The following NUDT3 variants were observed in gnomAD, a reference collection of about 807,000 sequenced individuals.
NUDT3 encodes the protein diphosphoinositol polyphosphate phosphohydrolase 1.
Under a neutral mutation model 23.6 loss-of-function variants are expected in NUDT3, and 9 were observed. That is an observed-to-expected ratio of 0.38 (90% CI 0.23 to 0.66). The LOEUF (loss-of-function observed/expected upper bound fraction) is 0.66. NUDT3 is among the 30% of genes least tolerant of loss of function. The pLI, the probability that NUDT3 is intolerant of heterozygous loss-of-function variation, is 0.52. For synonymous variants in NUDT3, 86 were observed against 82.6 expected, an observed-to-expected ratio of 1.04 and a Z score of -0.22; for missense variants, 172 against 218.5, an observed-to-expected ratio of 0.79 and a Z score of 1.34.
At chr6:34,341,353 T>C (rs1764285491) in intron 2 of NUDT3, among the ~76,000 whole-genome samples, 1 of 152,100 alleles carries the variant, frequency 6.6e-6, no homozygotes, top group South Asian at 2.1e-4. Flanking sequence ...AACACATGTA[T>C]GTGGAACATC....
At chr6:34,342,892 G>C (rs1358284953) in intron 1 of NUDT3, among the ~76,000 whole-genome samples, 1 of 152,100 alleles carries the variant, frequency 6.6e-6, no homozygotes, top group Non-Finnish European at 1.5e-5. Context: ...CTGCCTTCTA[G>C]TTACTAACAT....
chr6:34,343,509 C>T (rs1214239868), intron 1 of NUDT3, among the ~76,000 whole-genome samples: 1 of 151,630 alleles, frequency 6.6e-6, no homozygotes, highest in African/African-American at 2.4e-5. Flanking sequence ...CCACTGTATT[C>T]CAGCCTAGGC....
At chr6:34,390,291 C>T (rs1765176777) in intron 1 of NUDT3, among the ~76,000 whole-genome samples, 2 of 150,112 alleles carry the variant, frequency 1.3e-5, no homozygotes, top group Admixed American at 1.3e-4. Context: ...AAGAGTCGGT[C>T]TCAAAAAAAA....
intron 1 of NUDT3, among the ~76,000 whole-genome samples, chr6:34,378,597 T>A (rs1764964026): frequency 6.6e-6 from 1 of 152,184 alleles, no homozygotes; most frequent in Non-Finnish European, 1.5e-5. Flanking sequence ...GCCCACACTA[T>A]GAGCACTCCA....
chr6:34,328,259 C>G (rs1764073111), intron 2 of NUDT3, among the ~76,000 whole-genome samples: 1 of 152,100 alleles, frequency 6.6e-6, no homozygotes, highest in Non-Finnish European at 1.5e-5. Flanking sequence ...TCCCCTTACC[C>G]CCATCTTTAT....
intron 1 of NUDT3, among the ~76,000 whole-genome samples, chr6:34,376,846 T>C (rs948950064): frequency 3.3e-5 from 5 of 152,064 alleles, no homozygotes; most frequent in Non-Finnish European, 7.4e-5. Context: ...CAAGGCTCTA[T>C]ACCCTTAGCT....
At chr6:34,371,665 A>G (rs894796020) in intron 1 of NUDT3, among the ~76,000 whole-genome samples, 3 of 152,194 alleles carry the variant, frequency 2.0e-5, no homozygotes, top group African/African-American at 7.2e-5. Context: ...AATTCTTATT[A>G]ATGAGCACTG....
intron 1 of NUDT3, among the ~76,000 whole-genome samples, chr6:34,351,210 A>AAAAAAAAAAC (rs1764465199): frequency 1.5e-5 from 2 of 133,260 alleles, no homozygotes; most frequent in South Asian, 4.8e-4. Context: ...AAAAAAAAAA[A>AAAAAAAAAAC]AAAAAAAAAA....
intron 1 of NUDT3, among the ~76,000 whole-genome samples, chr6:34,354,424 C>CACAT (rs1764527392): frequency 6.9e-6 from 1 of 145,718 alleles, no homozygotes; most frequent in African/African-American, 2.7e-5. Flanking sequence ...CACACACACA[C>CACAT]ACACATACAC....
rs942892615 is a variant in NUDT3 at position 34,373,362 on chromosome 6, C to T, written c.99+18902G>A. Among the ~76,000 whole-genome samples the T allele has an allele frequency of 1.7e-4, 16 of 96,362 alleles. 1 individual carries two copies. Among genetic ancestry groups the T allele is most frequent in the Non-Finnish European group, 2.3e-4 (13 of 57,770 alleles). The allele number at this position is 96,362 out of a possible 152,430, so 63.2% of individuals were successfully genotyped here. On this transcript the variant is annotated intron_variant, in intron 1 of 4. Transcript: ENST00000607016. ...GAATTTAATGTTATAAAATTTAAAG[C>T]CAGAATGATTAAAGAGAATAATTTC...
intron 1 of NUDT3, among the ~76,000 whole-genome samples, chr6:34,374,451 A>C (rs1304424712): frequency 6.6e-6 from 1 of 152,146 alleles, no homozygotes; most frequent in Non-Finnish European, 1.5e-5. Context: ...TACTGCAGTG[A>C]ATCTTTCCTT....
chr6:34,372,150 A>G (rs1393163795), intron 1 of NUDT3, among the ~76,000 whole-genome samples: 1 of 152,130 alleles, frequency 6.6e-6, no homozygotes, highest in Non-Finnish European at 1.5e-5. Context: ...TCACTGATAG[A>G]CATTTGGGTT....
At chr6:34,387,281 G>T (rs916934735) in intron 1 of NUDT3, among the ~76,000 whole-genome samples, 1 of 151,984 alleles carries the variant, frequency 6.6e-6, no homozygotes, top group Non-Finnish European at 1.5e-5. Context: ...CAGAAGAAGG[G>T]ATTGTTATCA....
At chr6:34,379,369 G>A (rs975767224) in intron 1 of NUDT3, among the ~76,000 whole-genome samples, 2 of 151,726 alleles carry the variant, frequency 1.3e-5, no homozygotes, top group African/African-American at 4.8e-5. Context: ...AAACCAGCCT[G>A]GCCAACATGG....
At position 34,385,226 on chromosome 6, in the gene NUDT3, A is replaced by G. The variant is rs185048034; in HGVS notation, c.99+7038T>C. Reference sequence around the variant, plus strand: ...AATCTCAACACTTTGGGAGGCCAAGAAGGGAGGATCACTTGAGCCAGGAGT... The same window carrying G: ...AATCTCAACACTTTGGGAGGCCAAGGAGGGAGGATCACTTGAGCCAGGAGT... On this transcript the variant is annotated intron_variant, in intron 1 of 4. Coordinates refer to ENST00000607016, the MANE Select transcript of NUDT3 (RefSeq NM_006703.4). 4.0e-3 allele frequency among the ~76,000 whole-genome samples: 609 copies of G among 151,836 alleles called. 9 individuals are homozygous for G. The highest frequency in any genetic ancestry group is 0.023 in the South Asian group (112 of 4,796).
At chr6:34,334,840 G>T (rs1032563147) in intron 2 of NUDT3, among the ~76,000 whole-genome samples, 1 of 151,692 alleles carries the variant, frequency 6.6e-6, no homozygotes, top group Non-Finnish European at 1.5e-5. Flanking sequence ...GGCTGAGGAA[G>T]GAAGATTGCT....
intron 1 of NUDT3, among the ~76,000 whole-genome samples, chr6:34,369,550 G>GT (rs900666384): frequency 6.6e-6 from 1 of 152,140 alleles, no homozygotes; most frequent in Non-Finnish European, 1.5e-5. Context: ...AAACAGGTAA[G>GT]TAAGATAACG....
At chr6:34,351,226 A>AAAAAAAAAAAAAC (rs1554154786) in intron 1 of NUDT3, among the ~76,000 whole-genome samples, 15 of 133,972 alleles carry the variant, frequency 1.1e-4, no homozygotes, top group African/African-American at 4.7e-4. Context: ...AAAAAAAAAA[A>AAAAAAAAAAAAAC]CACTTTGGGA....
intron 4 of NUDT3, among the ~76,000 whole-genome samples, chr6:34,289,823 A>G (rs946437899): frequency 6.6e-6 from 1 of 152,180 alleles, no homozygotes; most frequent in Non-Finnish European, 1.5e-5. Context: ...CCATAATCTT[A>G]TAAACCAGAA....
Sources: allele counts gnomAD v4.1 joint callset (sites outside exome capture counted in the v4.1 genomes callset), GRCh38; gene constraint gnomAD v4.1.1; transcripts MANE v1.5; gene names NCBI Gene and HGNC (gene_info 2026-07-23, HGNC 2026-07-21).